Variants in TMEM232 observed in about 807,000 individuals in gnomAD.
TMEM232 encodes transmembrane protein 232.
A neutral mutation model predicts 78.8 loss-of-function variants in TMEM232; 80 were observed. The observed-to-expected ratio is 1.01, with a 90% confidence interval of 0.85 to 1.22. The LOEUF (loss-of-function observed/expected upper bound fraction) is 1.22, where lower values mean the gene tolerates loss of function less well. Ranked by LOEUF, TMEM232 falls within the 50% of genes most tolerant of loss-of-function variation. TMEM232 has a pLI of 0.00. For missense variants in TMEM232, 881 were observed against 742.2 expected (o/e 1.19, Z -2.17); for synonymous variants, 297 against 254.3 (o/e 1.17, Z -1.60).
chr5:110,677,171 T>C (rs1035063344), intron 1 of TMEM232, among the ~76,000 whole-genome samples: 1 of 152,226 alleles, frequency 6.6e-6, no homozygotes, highest in Non-Finnish European at 1.5e-5. Context: ...CATATATCTA[T>C]TGGCCATTTG....
intron 13 of TMEM232, among the ~76,000 whole-genome samples, chr5:110,422,263 C>A (rs1204089270): frequency 2.6e-5 from 4 of 152,010 alleles, no homozygotes; most frequent in Admixed American, 6.6e-5. Context: ...CGCCTGTAAT[C>A]CCAGCACTTT....
At chr5:110,730,464 T>G (rs1252479263), upstream of TMEM232, among the ~76,000 whole-genome samples, 1 of 152,216 alleles carries the variant, frequency 6.6e-6, no homozygotes, top group Non-Finnish European at 1.5e-5. Flanking sequence ...GTAAATAATT[T>G]CTATTTGATA....
downstream of TMEM232, among the ~76,000 whole-genome samples, chr5:110,414,940 C>T (rs1756135028): frequency 6.6e-6 from 1 of 152,136 alleles, no homozygotes; most frequent in Non-Finnish European, 1.5e-5. Context: ...TGTGCTAATA[C>T]CAGAGACCTG....
intron 12 of TMEM232, among the ~76,000 whole-genome samples, chr5:110,457,749 C>T (rs1188785770): frequency 5.3e-5 from 8 of 151,658 alleles, no homozygotes; most frequent in Non-Finnish European, 1.2e-4. Context: ...AAGGAAGTCA[C>T]CTAAGAAAGA....
chr5:110,561,445 A>T (rs1486605724), intron 11 of TMEM232, among the ~76,000 whole-genome samples: 1 of 152,104 alleles, frequency 6.6e-6, no homozygotes, highest in Non-Finnish European at 1.5e-5. Flanking sequence ...TGAGAATTAA[A>T]TAATTAATGC....
At chr5:110,727,407 C>T (rs369669609), upstream of TMEM232, among the ~76,000 whole-genome samples, 4 of 152,230 alleles carry the variant, frequency 2.6e-5, no homozygotes, top group Admixed American at 6.5e-5. Flanking sequence ...GTCAGGAGTT[C>T]GAGACCATCC....
chr5:110,708,479 CTT>C (rs1796158371), intron 1 of TMEM232, among the ~76,000 whole-genome samples: 1 of 152,038 alleles, frequency 6.6e-6, no homozygotes, highest in African/African-American at 2.4e-5. Context: ...GTAAACTACT[CTT>C]AAGTAGAAAA....
At chr5:110,597,235 C>A (rs1284749769) in intron 10 of TMEM232, among the ~76,000 whole-genome samples, 3 of 151,936 alleles carry the variant, frequency 2.0e-5, no homozygotes, top group African/African-American at 7.2e-5. Context: ...ATGAACAGAG[C>A]CAAATCATGA....
At chr5:110,505,343 C>G (rs1293891919) in intron 12 of TMEM232, among the ~76,000 whole-genome samples, 2 of 152,124 alleles carry the variant, frequency 1.3e-5, no homozygotes, top group Non-Finnish European at 2.9e-5. Context: ...AACTCCCCAG[C>G]TTTTAGCCTA....
chr5:110,398,738 G>T (rs1038104041), intron 2 of TMEM232, among the ~76,000 whole-genome samples: 3 of 152,078 alleles, frequency 2.0e-5, no homozygotes, highest in African/African-American at 7.2e-5. Flanking sequence ...TTTCTCCTCA[G>T]ATTTCTTAAT....
At chr5:110,539,800 CA>C in intron 11 of TMEM232, among the ~76,000 whole-genome samples, 1 of 152,042 alleles carries the variant, frequency 6.6e-6, no homozygotes, top group South Asian at 2.1e-4. Flanking sequence ...ACAAAGTGTC[CA>C]AAAGGAAGGC....
intron 10 of TMEM232, among the ~76,000 whole-genome samples, chr5:110,584,286 C>CAT (rs1453605150): frequency 6.6e-6 from 1 of 151,482 alleles, no homozygotes. Context: ...AGGAAAATGT[C>CAT]ATATATATAT....
Position 110,424,831 on chromosome 5 carries a change from C to A in TMEM232, c.1789G>T (p.Asp597Tyr). The A allele has an allele frequency of 6.5e-7, 1 of 1,547,860 alleles. No individual in the cohort carries two copies. Among genetic ancestry groups the A allele is most frequent in the South Asian group, 1.2e-5 (1 of 83,312 alleles). ...AAAAAAATCAATCTTACGTGATGGT[C>A]AATGATTTTTGCCAACTCTTTATCT... Reference protein sequence around the residue: ...KADKELAKIIDHHWQEELKIR... With the variant: ...KADKELAKIIYHHWQEELKIR... Residue 597 changes from aspartate (D) to tyrosine (Y), a missense_variant, in exon 13 of 14, where the codon GAC becomes TAC. By Grantham distance (160) the Asp-to-Tyr change is radical. Coordinates refer to ENST00000455884, the MANE Select transcript of TMEM232 (RefSeq NM_001039763.4).
intron 2 of TMEM232, among the ~76,000 whole-genome samples, chr5:110,646,927 T>C (rs145852320): frequency 0.01 from 1,520 of 151,970 alleles, 33 homozygotes; most frequent in African/African-American, 0.034. Flanking sequence ...AACAGGCATG[T>C]GAAAAGGTTT....
intron 4 of TMEM232, among the ~76,000 whole-genome samples, chr5:110,639,136 G>A (rs1274516817): frequency 6.6e-6 from 1 of 152,140 alleles, no homozygotes; most frequent in Non-Finnish European, 1.5e-5. Flanking sequence ...TAATGAGTAA[G>A]TAGGGAGGTA....
chr5:110,410,932 AC>A (rs1270597806), intron 2 of TMEM232, among the ~76,000 whole-genome samples: 2 of 152,070 alleles, frequency 1.3e-5, no homozygotes, highest in Non-Finnish European at 2.9e-5. Context: ...GTGTGTAGGT[AC>A]TATTTGTTTC....
chr5:110,452,234 A>C (rs1046124160), intron 12 of TMEM232, among the ~76,000 whole-genome samples: 10 of 152,286 alleles, frequency 6.6e-5, no homozygotes, highest in African/African-American at 2.4e-4. Context: ...ATAAAATAAT[A>C]ATTATATATT....
intron 12 of TMEM232, among the ~76,000 whole-genome samples, chr5:110,477,964 T>C (rs564000356): frequency 6.6e-6 from 1 of 151,964 alleles, no homozygotes; most frequent in Admixed American, 6.6e-5. Context: ...TAATATCTTT[T>C]ATATTTATGT....
chr5:110,464,147 C>A (rs972215771), intron 12 of TMEM232, among the ~76,000 whole-genome samples: 2 of 152,098 alleles, frequency 1.3e-5, no homozygotes, highest in African/African-American at 4.8e-5. Flanking sequence ...CATTTGTTGT[C>A]CCCATTCAAG....
Sources: gnomAD v4.1 joint callset for allele counts (sites outside exome capture counted in the v4.1 genomes callset) on GRCh38, gnomAD v4.1.1 for gene constraint, MANE v1.5 for transcripts, NCBI Gene and HGNC (gene_info 2026-07-23, HGNC 2026-07-21) for gene names.